BMPER: variants seen among roughly 807,000 people sequenced by gnomAD.
BMPER encodes the protein BMP-binding endothelial regulator protein.
In BMPER, 45 loss-of-function variants were observed where a neutral mutation model predicts 87.3. The observed-to-expected ratio is 0.52, with a 90% confidence interval of 0.41 to 0.66. The LOEUF is 0.66. Among genes scored for constraint, BMPER ranks in the 30% least tolerant of loss-of-function variants. The pLI, the probability that BMPER is intolerant of heterozygous loss-of-function variation, is 0.00. For missense variants in BMPER, 784 were observed against 867.5 expected, an observed-to-expected ratio of 0.90 and a Z score of 1.21; for synonymous variants, 326 against 316.2, an observed-to-expected ratio of 1.03 and a Z score of -0.33.
At chr7:34,059,010 AGAG>A (rs779099943) in intron 10 of BMPER, among the ~76,000 whole-genome samples, 2 of 149,054 alleles carry the variant, frequency 1.3e-5, no homozygotes, top group South Asian at 2.1e-4. Context: ...AACTGAATAA[AGAG>A]GAGAGGAAAA....
chr7:33,973,213 G>T (rs535784494), intron 5 of BMPER, among the ~76,000 whole-genome samples: 5 of 151,158 alleles, frequency 3.3e-5, no homozygotes, highest in Non-Finnish European at 5.9e-5. Flanking sequence ...CTGGCAATCC[G>T]TGTGACAAAA....
At chr7:33,950,195 G>T (rs948853622) in intron 3 of BMPER, among the ~76,000 whole-genome samples, 1 of 152,068 alleles carries the variant, frequency 6.6e-6, no homozygotes, top group Non-Finnish European at 1.5e-5. Context: ...TCTAAAGTGG[G>T]CCAAGTTGCG....
At chr7:34,145,974 C>T (rs1290485534) in intron 14 of BMPER, among the ~76,000 whole-genome samples, 1 of 152,068 alleles carries the variant, frequency 6.6e-6, no homozygotes, top group Non-Finnish European at 1.5e-5. Flanking sequence ...TGAAGTATAA[C>T]TCCATCAAAT....
chr7:34,008,009 TAA>T (rs1487075536), intron 6 of BMPER, among the ~76,000 whole-genome samples: 1 of 152,008 alleles, frequency 6.6e-6, no homozygotes, highest in African/African-American at 2.4e-5. Context: ...TGATAAATAT[TAA>T]GTTATTTTAG....
intron 4 of BMPER, among the ~76,000 whole-genome samples, chr7:33,966,934 A>T (rs959265850): frequency 6.6e-6 from 1 of 152,212 alleles, no homozygotes; most frequent in African/African-American, 2.4e-5. Context: ...TGTATGTTTC[A>T]CTTCTTTGAT....
intron 6 of BMPER, among the ~76,000 whole-genome samples, chr7:33,998,775 G>A (rs561161398): frequency 1.1e-4 from 17 of 152,330 alleles, no homozygotes; most frequent in Non-Finnish European, 2.4e-4. Context: ...CCCGGCTGCC[G>A]AAGGCCTGGC....
At position 34,104,019 on chromosome 7, in the gene BMPER, C is replaced by T. The variant is rs562532498; in HGVS notation, c.1745+17927C>T. ...TGTTTTGAGATTTGCCCATTTTTAC[C>T]CACATTGTACTCCATCCAGTCTAGC... On this transcript the variant is annotated intron_variant, in intron 13 of 14. Transcript: ENST00000649409. Among the ~76,000 whole-genome samples the T allele has an allele frequency of 8.5e-5, 13 of 152,322 alleles. No homozygotes were observed. The South Asian group carries it at 2.7e-3, about 32-fold the overall frequency.
intron 13 of BMPER, among the ~76,000 whole-genome samples, chr7:34,128,529 C>A (rs1395448895): frequency 6.6e-6 from 1 of 152,158 alleles, no homozygotes; most frequent in Non-Finnish European, 1.5e-5. Flanking sequence ...GTGGAACACC[C>A]TTTAGCTGCT....
At chr7:34,064,979 T>C (rs1216272144) in intron 11 of BMPER, among the ~76,000 whole-genome samples, 1 of 152,200 alleles carries the variant, frequency 6.6e-6, no homozygotes, top group Non-Finnish European at 1.5e-5. Context: ...GAAATTTCTT[T>C]GTCATTATAT....
chr7:33,991,936 A>T (rs1444177531), intron 6 of BMPER, among the ~76,000 whole-genome samples: 1 of 138,238 alleles, frequency 7.2e-6, no homozygotes, highest in African/African-American at 2.8e-5. Context: ...TTTGAGTGAG[A>T]TTCTTAATCC....
intron 4 of BMPER, among the ~76,000 whole-genome samples, chr7:33,968,332 C>A (rs923604145): frequency 6.6e-5 from 10 of 152,194 alleles, no homozygotes; most frequent in Non-Finnish European, 1.0e-4. Flanking sequence ...CAGCTGGGAC[C>A]TTCCCTTTCC....
intron 1 of BMPER, 125 bp downstream of exon 1, chr7:33,905,871 G>C: frequency 1.5e-6 from 2 of 1,320,458 alleles, no homozygotes; most frequent in South Asian, 1.4e-5. Context: ...GCCCTGCGCT[G>C]GTCGATGGGG....
chr7:34,019,212 C>A (rs1385390243), intron 6 of BMPER, among the ~76,000 whole-genome samples: 1 of 152,012 alleles, frequency 6.6e-6, no homozygotes, highest in African/African-American at 2.4e-5. Flanking sequence ...TCCTTTCTTC[C>A]TTCAGCTTCC....
At chr7:34,138,077 G>C (rs1790767085) in intron 13 of BMPER, among the ~76,000 whole-genome samples, 1 of 152,204 alleles carries the variant, frequency 6.6e-6, no homozygotes. Flanking sequence ...TGCTGCCATT[G>C]AACATTTGAA....
chr7:34,015,236 G>A (rs905146056), intron 6 of BMPER, among the ~76,000 whole-genome samples: 4 of 151,890 alleles, frequency 2.6e-5, no homozygotes, highest in African/African-American at 4.8e-5. Flanking sequence ...CTCTTTTCCT[G>A]TGTGACCTTG....
intron 13 of BMPER, among the ~76,000 whole-genome samples, chr7:34,119,090 G>A (rs1179970355): frequency 1.3e-5 from 2 of 150,406 alleles, no homozygotes; most frequent in African/African-American, 4.9e-5. Context: ...TGCTTCACTG[G>A]AGAACACTCG....
intron 6 of BMPER, among the ~76,000 whole-genome samples, chr7:34,029,545 AC>A (rs1185505522): frequency 6.6e-6 from 1 of 152,082 alleles, no homozygotes; most frequent in Admixed American, 6.6e-5. Flanking sequence ...ACCCAAACCA[AC>A]CCAGTCTCAG....
intron 2 of BMPER, among the ~76,000 whole-genome samples, chr7:33,913,234 T>G (rs1784003263): frequency 6.6e-6 from 1 of 152,152 alleles, no homozygotes; most frequent in Non-Finnish European, 1.5e-5. Context: ...ACTGTGGAAA[T>G]GGCAGCGTCT....
intron 6 of BMPER, among the ~76,000 whole-genome samples, chr7:33,993,422 C>T (rs1052852704): frequency 6.6e-6 from 1 of 152,296 alleles, no homozygotes; most frequent in East Asian, 1.9e-4. Context: ...GCTCCTGAGG[C>T]TTCTGCATTC....
Sources: gnomAD v4.1 joint callset for allele counts (sites outside exome capture counted in the v4.1 genomes callset) on GRCh38, gnomAD v4.1.1 for gene constraint, MANE v1.5 for transcripts, NCBI Gene and HGNC (gene_info 2026-07-23, HGNC 2026-07-21) for gene names.